Variants in STRN3 observed in about 807,000 individuals in gnomAD.
STRN3 encodes the protein striatin-3.
In STRN3, 29 loss-of-function variants were observed where a neutral mutation model predicts 95.6. That is an observed-to-expected ratio of 0.30 (90% CI 0.23 to 0.41). The LOEUF (loss-of-function observed/expected upper bound fraction) is 0.41, where lower values mean the gene tolerates loss of function less well. Among genes scored for constraint, STRN3 ranks in the 10% least tolerant of loss-of-function variants. STRN3 has a pLI of 1.00. For missense variants in STRN3, 890 were observed against 972.1 expected, an observed-to-expected ratio of 0.92 and a Z score of 1.12; for synonymous variants, 331 against 357.6, an observed-to-expected ratio of 0.93 and a Z score of 0.84.
intron 9 of STRN3, among the ~76,000 whole-genome samples, chr14:30,916,338 G>A (rs982594040): frequency 7.3e-5 from 11 of 149,784 alleles, no homozygotes; most frequent in African/African-American, 2.5e-4. Context: ...GCAGTGGCGC[G>A]ATCTCGGCTC....
At chr14:30,957,615 T>A (rs113963842) in intron 1 of STRN3, among the ~76,000 whole-genome samples, 2 of 152,224 alleles carry the variant, frequency 1.3e-5, no homozygotes, top group African/African-American at 4.8e-5. Context: ...TTGCTTTCTA[T>A]TGTCATTTTT....
intron 1 of STRN3, among the ~76,000 whole-genome samples, chr14:30,984,677 C>T (rs1412397838): frequency 1.3e-5 from 2 of 151,940 alleles, no homozygotes; most frequent in African/African-American, 4.8e-5. Context: ...ACTCAGGAGG[C>T]TGAGGCAGGA....
chr14:30,947,942 T>C (rs891499574), intron 4 of STRN3, among the ~76,000 whole-genome samples: 1 of 152,168 alleles, frequency 6.6e-6, no homozygotes, highest in African/African-American at 2.4e-5. Context: ...TAATGAAGGA[T>C]GCTTAAAAGA....
At chr14:30,905,083 G>A (rs1348826577) in intron 15 of STRN3, among the ~76,000 whole-genome samples, 2 of 151,944 alleles carry the variant, frequency 1.3e-5, no homozygotes, top group African/African-American at 4.8e-5. Flanking sequence ...TAAATAAACT[G>A]TAAAACACCA....
chr14:30,952,491 C>T (rs915992670), intron 3 of STRN3, among the ~76,000 whole-genome samples: 1 of 152,020 alleles, frequency 6.6e-6, no homozygotes, highest in African/African-American at 2.4e-5. Flanking sequence ...CTTGAGCCCA[C>T]GGGTTCAAGA....
At chr14:30,928,659 A>T (rs1353991885) in intron 8 of STRN3, among the ~76,000 whole-genome samples, 4 of 151,946 alleles carry the variant, frequency 2.6e-5, no homozygotes, top group Non-Finnish European at 5.9e-5. Context: ...GCCACCACTA[A>T]CCTCCCACTT....
intron 1 of STRN3, among the ~76,000 whole-genome samples, chr14:31,013,327 C>G (rs958492309): frequency 6.6e-6 from 1 of 151,176 alleles, no homozygotes; most frequent in Non-Finnish European, 1.5e-5. Context: ...CAGCCAAGAT[C>G]GCATCACCAC....
At chr14:30,909,100 T>C (rs1038581750) in intron 13 of STRN3, among the ~76,000 whole-genome samples, 1 of 152,218 alleles carries the variant, frequency 6.6e-6, no homozygotes, top group African/African-American at 2.4e-5. Flanking sequence ...CTGAAATTAG[T>C]GATGATGGCT....
In STRN3 at chr14:30,894,845, C is replaced by G; in HGVS notation, c.*566G>C. On this transcript the variant is annotated 3_prime_UTR_variant, in exon 18 of 18. Coordinates refer to ENST00000357479, the MANE Select transcript of STRN3 (RefSeq NM_001083893.2). The stretch of plus-strand genomic sequence containing the variant: ...TATAAAAACTAGAATTTTATCCAAA[C>G]ATTTTGTGCAACTAATGCTAAAATA... The G allele has an allele frequency of 1.9e-6, 1 of 532,614 alleles. No individual in the cohort carries two copies. Among genetic ancestry groups the G allele is most frequent in the Non-Finnish European group, 2.7e-6 (1 of 366,502 alleles). The allele number at this position is 532,614 out of a possible 1,614,324, so 33.0% of individuals were successfully genotyped here.
chr14:30,937,244 G>T (rs1318643546), intron 5 of STRN3, among the ~76,000 whole-genome samples: 4 of 152,128 alleles, frequency 2.6e-5, no homozygotes, highest in Non-Finnish European at 5.9e-5. Flanking sequence ...AACCCAGGAG[G>T]TTGAGGCTGC....
chr14:30,913,998 T>C (rs1896672880), intron 9 of STRN3, among the ~76,000 whole-genome samples: 1 of 152,200 alleles, frequency 6.6e-6, no homozygotes, highest in South Asian at 2.1e-4. Flanking sequence ...TTTGATTAAA[T>C]AATGGAGTTA....
chr14:30,947,621 AAC>A (rs1048665404), intron 4 of STRN3, among the ~76,000 whole-genome samples: 12 of 151,784 alleles, frequency 7.9e-5, no homozygotes, highest in African/African-American at 2.7e-4. Context: ...ACACAAACAC[AAC>A]ACACACACAT....
chr14:30,950,736 C>G, intron 4 of STRN3, 127 bp downstream of exon 4: 1 of 835,582 alleles, frequency 1.2e-6, no homozygotes, highest in Non-Finnish European at 1.8e-6. Context: ...ATCTACACAG[C>G]AAAAAAAGCA....
chr14:30,936,749 G>A (rs1292578017), intron 5 of STRN3, 125 bp from the exon 6 acceptor site: 1 of 1,143,982 alleles, frequency 8.7e-7, no homozygotes, highest in Non-Finnish European at 1.2e-6. Context: ...ACTGTCTGAG[G>A]GCTTTATTCA....
intron 1 of STRN3, among the ~76,000 whole-genome samples, chr14:30,968,545 T>C (rs748115587): frequency 2.0e-4 from 31 of 151,914 alleles, no homozygotes; most frequent in Admixed American, 5.2e-4. Context: ...CCGGGCATGG[T>C]GGCGGGTGCC....
intron 1 of STRN3, among the ~76,000 whole-genome samples, chr14:30,987,695 G>A (rs1320129136): frequency 6.6e-6 from 1 of 151,790 alleles, no homozygotes; most frequent in East Asian, 1.9e-4. Flanking sequence ...ACTACTCGCT[G>A]TGATTCTGCC....
chr14:30,929,118 A>G, intron 8 of STRN3, 83 bp downstream of exon 8: 1 of 1,163,688 alleles, frequency 8.6e-7, no homozygotes. Context: ...CAAAAAATTA[A>G]GTTACACAAA....
chr14:30,902,513 T>C (rs773981041), intron 16 of STRN3, 23 bp downstream of exon 16: 3 of 1,464,458 alleles, frequency 2.0e-6, no homozygotes, highest in African/African-American at 1.4e-5. Flanking sequence ...ATTACTAATA[T>C]GAAAAGAAGA....
intron 1 of STRN3, among the ~76,000 whole-genome samples, chr14:30,961,882 CA>C (rs1467431175): frequency 6.6e-6 from 1 of 152,236 alleles, no homozygotes; most frequent in African/African-American, 2.4e-5. Context: ...GCTAAGATTA[CA>C]GGTGTGAACC....
Sources: allele counts gnomAD v4.1 joint callset (sites outside exome capture counted in the v4.1 genomes callset), GRCh38; gene constraint gnomAD v4.1.1; transcripts MANE v1.5; gene names NCBI Gene and HGNC (gene_info 2026-07-23, HGNC 2026-07-21).